The following ZMYM2 variants were observed in gnomAD, a reference collection of about 807,000 sequenced individuals.
The protein encoded by ZMYM2 is zinc finger MYM-type protein 2.
A neutral mutation model predicts 162.8 loss-of-function variants in ZMYM2; 56 were observed. The observed-to-expected ratio is 0.34, with a 90% CI of 0.28 to 0.43. The LOEUF is 0.43. ZMYM2 is among the 20% of genes least tolerant of loss of function. The pLI, the probability that ZMYM2 is intolerant of heterozygous loss-of-function variation, is 1.00. For synonymous variants in ZMYM2, 510 were observed against 541.6 expected, an observed-to-expected ratio of 0.94 and a Z score of 0.81; for missense variants, 1,275 against 1,621.8, an observed-to-expected ratio of 0.79 and a Z score of 3.67.
At chr13:19,944,969 C>T in the ZMYM2 span, among the ~76,000 whole-genome samples, 1 of 151,386 alleles carries the variant, frequency 6.6e-6, no homozygotes, top group Non-Finnish European at 1.5e-5. Flanking sequence ...CTGCGCCCGG[C>T]CCCTATTTTT....
chr13:19,866,795 G>A, the ZMYM2 span, among the ~76,000 whole-genome samples: 1 of 152,066 alleles, frequency 6.6e-6, no homozygotes, highest in East Asian at 1.9e-4. Flanking sequence ...TCAGGAGGCC[G>A]AGGTGGGAGG....
intron 12 of ZMYM2, among the ~76,000 whole-genome samples, chr13:20,050,327 A>G (rs1300784213): frequency 6.6e-6 from 1 of 152,008 alleles, no homozygotes; most frequent in Non-Finnish European, 1.5e-5. Flanking sequence ...AGGAATTTTG[A>G]CATGGCATTT....
At chr13:19,889,098 C>T in the ZMYM2 span, among the ~76,000 whole-genome samples, 2 of 151,946 alleles carry the variant, frequency 1.3e-5, no homozygotes, top group East Asian at 1.9e-4. Flanking sequence ...CTTATCTTTC[C>T]TTTGTGCCCT....
At chr13:20,017,794 T>G (rs1464790823) in intron 6 of ZMYM2, among the ~76,000 whole-genome samples, 2 of 152,196 alleles carry the variant, frequency 1.3e-5, no homozygotes, top group Non-Finnish European at 2.9e-5. Context: ...GTGTTTTCAT[T>G]TGTTTTTTAA....
In ZMYM2 at chr13:20,010,829, C is replaced by T. The variant is rs1473646348; in HGVS notation, c.1512+4243C>T. Among the ~76,000 whole-genome samples the T allele has an allele frequency of 4.6e-5, 7 of 152,060 alleles. No homozygotes were observed. In the South Asian group the frequency reaches 1.0e-3, roughly 23 times the overall value. ...CTAATTTTTGTATTTTTAATAGAGACGGGGTTTCACCATGTTGGTGAGGCT... is the reference window on the plus strand; with the variant it reads ...CTAATTTTTGTATTTTTAATAGAGATGGGGTTTCACCATGTTGGTGAGGCT... On this transcript the variant is annotated intron_variant, in intron 6 of 24. Transcript: ENST00000610343.
chr13:20,055,697 C>T (rs902841305), intron 14 of ZMYM2, among the ~76,000 whole-genome samples: 3 of 152,084 alleles, frequency 2.0e-5, no homozygotes, highest in Non-Finnish European at 2.9e-5. Flanking sequence ...AGGAAATTTG[C>T]CAGTCTACCC....
At chr13:19,883,718 TCTTA>T in the ZMYM2 span, among the ~76,000 whole-genome samples, 95 of 152,080 alleles carry the variant, frequency 6.2e-4, no homozygotes, top group African/African-American at 2.2e-3. Flanking sequence ...TAAGACAGAC[TCTTA>T]CTTCAAGATG....
chr13:19,933,416 TTTA>T, the ZMYM2 span, among the ~76,000 whole-genome samples: 2 of 152,238 alleles, frequency 1.3e-5, no homozygotes, highest in Non-Finnish European at 2.9e-5. Flanking sequence ...ATGTCTTGTG[TTTA>T]TTATTCTATT....
the ZMYM2 span, among the ~76,000 whole-genome samples, chr13:19,870,507 C>G: frequency 4.2e-5 from 6 of 144,116 alleles, no homozygotes; most frequent in African/African-American, 1.6e-4. Flanking sequence ...CCTTCCCTCC[C>G]TCCCTCCCTC....
chr13:20,009,851 A>G (rs1209983070), intron 6 of ZMYM2, among the ~76,000 whole-genome samples: 1 of 152,168 alleles, frequency 6.6e-6, no homozygotes, highest in Non-Finnish European at 1.5e-5. Flanking sequence ...ACCTTTGACT[A>G]TTGTGAATAA....
chr13:19,965,122 C>A, intron 2 of ZMYM2: 1 of 553,208 alleles, frequency 1.8e-6, no homozygotes. Flanking sequence ...CATAGCTATT[C>A]TAAGTAACAT....
At chr13:20,046,337 G>C (rs543696082) in intron 12 of ZMYM2, among the ~76,000 whole-genome samples, 101 of 151,440 alleles carry the variant, frequency 6.7e-4, no homozygotes, top group Non-Finnish European at 1.3e-3. Context: ...GTTTGAAGTT[G>C]GGAGTTCTAG....
rs778131026 is a variant in ZMYM2 at position 20,067,066 on chromosome 13, A to G, written c.3301+47A>G. ...CTCCTAAGTCCTATTTAAAATCAAG[A>G]TTTCTGTTATTGAGTACCTTTAAAT... On this transcript the variant is annotated intron_variant, in intron 20 of 24. Transcript: ENST00000610343. 61 of 1,515,398 alleles carry G rather than the reference A, an allele frequency of 4.0e-5. No homozygotes were observed. In the East Asian group the frequency reaches 1.4e-3, roughly 34 times the overall value. 93.9% of individuals were successfully genotyped at this position (1,515,398 alleles called of 1,614,324 possible). A position where few individuals can be genotyped will look rare whatever the true frequency, so the allele number is the denominator to read the frequency against.
At chr13:20,026,556 T>C (rs1001299712) in intron 7 of ZMYM2, 56 bp from the exon 8 acceptor site, 17 of 1,509,200 alleles carry the variant, frequency 1.1e-5, no homozygotes, top group Admixed American at 4.9e-5. Context: ...AATTGGTAAT[T>C]CTTTTCTAGT....
At chr13:19,966,294 C>G (rs1181315986) in intron 2 of ZMYM2, among the ~76,000 whole-genome samples, 3 of 151,794 alleles carry the variant, frequency 2.0e-5, no homozygotes, top group Admixed American at 6.6e-5. Flanking sequence ...GCCGCCACGC[C>G]TGGCTAATTT....
the ZMYM2 span, among the ~76,000 whole-genome samples, chr13:19,906,543 T>A: frequency 1.3e-5 from 2 of 150,914 alleles, no homozygotes; most frequent in African/African-American, 4.9e-5. Flanking sequence ...TATATATTTT[T>A]TTTGTTTTCT....
At chr13:19,975,537 T>C (rs1173764541) in intron 2 of ZMYM2, among the ~76,000 whole-genome samples, 2 of 152,276 alleles carry the variant, frequency 1.3e-5, no homozygotes, top group South Asian at 2.1e-4. Context: ...TTCCCCTGTG[T>C]ATGTTTACCA....
At chr13:19,881,263 T>A in the ZMYM2 span, among the ~76,000 whole-genome samples, 1 of 152,308 alleles carries the variant, frequency 6.6e-6, no homozygotes, top group South Asian at 2.1e-4. Flanking sequence ...ACAACTTGAA[T>A]GCCCTTTATT....
chr13:19,915,894 C>G, the ZMYM2 span, among the ~76,000 whole-genome samples: 8 of 148,412 alleles, frequency 5.4e-5, no homozygotes, highest in African/African-American at 2.0e-4. Flanking sequence ...GAGTCTCACT[C>G]TGTTGCCCAG....
Sources: allele counts gnomAD v4.1 joint callset (sites outside exome capture counted in the v4.1 genomes callset), GRCh38; gene constraint gnomAD v4.1.1; transcripts MANE v1.5; gene names NCBI Gene and HGNC (gene_info 2026-07-23, HGNC 2026-07-21).